The following ZFAND3 variants were observed in gnomAD, a reference collection of about 807,000 sequenced individuals.
ZFAND3 encodes the protein AN1-type zinc finger protein 3.
In ZFAND3, 10 loss-of-function variants were observed where a neutral mutation model predicts 29.6. The ratio of observed to expected loss-of-function variants is 0.34; its 90% CI spans 0.21 to 0.57. The LOEUF (loss-of-function observed/expected upper bound fraction) is 0.57, where lower values mean the gene tolerates loss of function less well. Ranked by LOEUF, ZFAND3 falls within the 20% of genes least tolerant of loss-of-function variation. The pLI is 0.86. For missense variants in ZFAND3, 230 were observed against 304.5 expected, an observed-to-expected ratio of 0.76 and a Z score of 1.82; for synonymous variants, 128 against 112.6, an observed-to-expected ratio of 1.14 and a Z score of -0.87.
chr6:38,055,587 C>T (rs959036918), intron 2 of ZFAND3, among the ~76,000 whole-genome samples: 94 of 152,258 alleles, frequency 6.2e-4, no homozygotes, highest in African/African-American at 2.1e-3. Flanking sequence ...ATTCTTAGTT[C>T]CTCTTCTACT....
intron 2 of ZFAND3, among the ~76,000 whole-genome samples, chr6:37,940,596 G>C (rs115774448): frequency 0.2 from 29,839 of 152,044 alleles, 3,497 homozygotes; most frequent in Admixed American, 0.32. Flanking sequence ...CAGTTCTGCA[G>C]GCTGTACAGG....
At chr6:37,890,557 A>G (rs754787511) in intron 1 of ZFAND3, among the ~76,000 whole-genome samples, 11 of 151,836 alleles carry the variant, frequency 7.2e-5, no homozygotes, top group Non-Finnish European at 1.2e-4. Context: ...GATAGAGTTA[A>G]TACTCTAAAC....
chr6:37,909,084 T>C (rs1476195285), intron 1 of ZFAND3, among the ~76,000 whole-genome samples: 1 of 152,152 alleles, frequency 6.6e-6, no homozygotes, highest in African/African-American at 2.4e-5. Flanking sequence ...GAGAGAAATT[T>C]ACTTATGAAT....
chr6:38,118,745 G>A (rs1463085059), intron 5 of ZFAND3, among the ~76,000 whole-genome samples: 1 of 130,984 alleles, frequency 7.6e-6, no homozygotes, highest in East Asian at 2.1e-4. Context: ...TAAGGTCTTA[G>A]CATCCACCTG....
intron 2 of ZFAND3, among the ~76,000 whole-genome samples, chr6:38,019,514 G>A (rs1389543545): frequency 6.6e-6 from 1 of 151,754 alleles, no homozygotes; most frequent in Non-Finnish European, 1.5e-5. Context: ...TATGGCATAT[G>A]TTGAAATACA....
chr6:37,872,811 T>C (rs981017816), intron 1 of ZFAND3, among the ~76,000 whole-genome samples: 5 of 152,242 alleles, frequency 3.3e-5, no homozygotes. Flanking sequence ...AGTCTGGAGC[T>C]ATTCCACAAA....
chr6:37,834,118 A>G (rs1017977151), intron 1 of ZFAND3, among the ~76,000 whole-genome samples: 4 of 152,182 alleles, frequency 2.6e-5, no homozygotes, highest in Non-Finnish European at 5.9e-5. Flanking sequence ...ATAATGTCAT[A>G]TAGAACATTT....
At chr6:38,042,520 G>T (rs190677791) in intron 2 of ZFAND3, among the ~76,000 whole-genome samples, 1 of 151,678 alleles carries the variant, frequency 6.6e-6, no homozygotes, top group East Asian at 2.0e-4. Context: ...TGCCATGTTG[G>T]CCAGGCTGGT....
At chr6:38,077,870 C>A (rs909059155) in intron 3 of ZFAND3, among the ~76,000 whole-genome samples, 46 of 152,326 alleles carry the variant, frequency 3.0e-4, no homozygotes, top group African/African-American at 1.0e-3. Flanking sequence ...GAGTTGTAGT[C>A]TTCAACTAGC....
chr6:37,943,666 T>C (rs930589151), intron 2 of ZFAND3, among the ~76,000 whole-genome samples: 7 of 152,208 alleles, frequency 4.6e-5, no homozygotes, highest in South Asian at 2.1e-4. Flanking sequence ...TTGTAAACAC[T>C]GGTTTTGCTT....
intron 1 of ZFAND3, among the ~76,000 whole-genome samples, chr6:37,821,727 C>T (rs1274832941): frequency 6.6e-6 from 1 of 152,262 alleles, no homozygotes; most frequent in African/African-American, 2.4e-5. Context: ...GGTCTCTTTC[C>T]TGGCAACACG....
chr6:37,966,859 T>C (rs1762302145), intron 2 of ZFAND3, among the ~76,000 whole-genome samples: 1 of 152,200 alleles, frequency 6.6e-6, no homozygotes, highest in African/African-American at 2.4e-5. Flanking sequence ...CCTAGTCTTT[T>C]CATGATTTTC....
chr6:37,902,794 G>A (rs1765344779), intron 1 of ZFAND3, among the ~76,000 whole-genome samples: 1 of 139,134 alleles, frequency 7.2e-6, no homozygotes, highest in Admixed American at 7.4e-5. Context: ...GTCCAGGCTG[G>A]ACTTGAATTC....
chr6:37,860,436 G>T (rs1266792533), intron 1 of ZFAND3, among the ~76,000 whole-genome samples: 1 of 152,080 alleles, frequency 6.6e-6, no homozygotes. Flanking sequence ...CCCCCTGCTG[G>T]CTGACTTTTT....
At chr6:37,972,008 T>C (rs1467775360) in intron 2 of ZFAND3, among the ~76,000 whole-genome samples, 1 of 151,844 alleles carries the variant, frequency 6.6e-6, no homozygotes, top group Non-Finnish European at 1.5e-5. Flanking sequence ...TAAAAATCTT[T>C]GCTTTCAAAA....
chr6:37,913,705 A>ATTTTTTTTTTTTTTT (rs1581756231), intron 1 of ZFAND3, among the ~76,000 whole-genome samples: 1 of 111,630 alleles, frequency 9.0e-6, no homozygotes, highest in Non-Finnish European at 2.0e-5. Context: ...TGGCAGCTAT[A>ATTTTTTTTTTTTTTT]TTCTTTTTTT....
intron 5 of ZFAND3, among the ~76,000 whole-genome samples, chr6:38,127,502 TA>T (rs1765656935): frequency 6.6e-6 from 1 of 152,216 alleles, no homozygotes; most frequent in Non-Finnish European, 1.5e-5. Flanking sequence ...CTCTTATTTT[TA>T]AACCAGTATC....
intron 2 of ZFAND3, among the ~76,000 whole-genome samples, chr6:37,997,158 A>G (rs1762864811): frequency 6.6e-6 from 1 of 152,250 alleles, no homozygotes; most frequent in Non-Finnish European, 1.5e-5. Flanking sequence ...CATTTTGCAT[A>G]TAAATAGTAG....
chr6:37,824,216 ATTG>A (rs576091469), intron 1 of ZFAND3, among the ~76,000 whole-genome samples: 129 of 152,362 alleles, frequency 8.5e-4, no homozygotes, highest in African/African-American at 2.9e-3. Flanking sequence ...TTTGTTGATA[ATTG>A]TTGTATCTGA....
Sources: gnomAD v4.1 joint callset for allele counts (sites outside exome capture counted in the v4.1 genomes callset) on GRCh38, gnomAD v4.1.1 for gene constraint, MANE v1.5 for transcripts, NCBI Gene and HGNC (gene_info 2026-07-23, HGNC 2026-07-21) for gene names.